Variants in ZNF446 observed in about 807,000 individuals in gnomAD.
ZNF446 encodes the protein zinc finger protein 446.
A neutral mutation model predicts 34.0 loss-of-function variants in ZNF446; 42 were observed. The ratio of observed to expected loss-of-function variants is 1.23; its 90% CI spans 0.96 to 1.60. The LOEUF (loss-of-function observed/expected upper bound fraction) is 1.60, where lower values mean the gene tolerates loss of function less well. ZNF446 is among the 40% of genes most tolerant of loss of function. The pLI, the probability that ZNF446 is intolerant of heterozygous loss-of-function variation, is 0.00. For missense variants in ZNF446, 650 were observed against 600.2 expected, an observed-to-expected ratio of 1.08 and a Z score of -0.87; for synonymous variants, 315 against 251.0, an observed-to-expected ratio of 1.25 and a Z score of -2.41.
rs1226910358 is a variant in ZNF446, at chr19:58,479,812, G to A, written c.712+85G>A. 4.0e-6 allele frequency: 6 copies of A among 1,489,096 alleles called. No homozygotes were observed. The Admixed American group carries it at 7.7e-5, about 19-fold the overall frequency. The allele number at this position is 1,489,096 out of a possible 1,614,324, so 92.2% of individuals were successfully genotyped here. ...AGGCCTAGCTGGGCAGGGCCTCTGT[G>A]CTACCAGCCCTACCCAGCTCTCCCA... On this transcript the variant is annotated intron_variant, in intron 5 of 6. Coordinates refer to ENST00000594369, the MANE Select transcript of ZNF446 (RefSeq NM_017908.4).
the ZNF446 span, among the ~76,000 whole-genome samples, chr19:58,487,430 CTG>C: frequency 1.3e-5 from 2 of 152,160 alleles, no homozygotes; most frequent in African/African-American, 4.8e-5. Flanking sequence ...TGAAAAGACA[CTG>C]TAAACATAAA....
At chr19:58,483,656 A>C (rs1216802735), downstream of ZNF446, 2 of 152,114 alleles carry the variant, frequency 1.3e-5, no homozygotes, top group African/African-American at 4.8e-5. Flanking sequence ...TCTGGAAAAA[A>C]AAAATACGGA....
downstream of ZNF446, among the ~76,000 whole-genome samples, chr19:58,484,914 C>T (rs2053161412): frequency 6.6e-6 from 1 of 151,466 alleles, no homozygotes. Context: ...AAAAATTAGC[C>T]AGGTGTGGTG....
At chr19:58,482,661 G>A (rs2122455601), downstream of ZNF446, among the ~76,000 whole-genome samples, 1 of 152,332 alleles carries the variant, frequency 6.6e-6, no homozygotes, top group South Asian at 2.1e-4. Context: ...TCTCCTCAGA[G>A]GCCCATCTTC....
In ZNF446 at chr19:58,477,405, G is replaced by A. The variant is rs2053097266; in HGVS notation, c.187G>A (p.Glu63Lys). ...QWLQPEAHSKEQMLEMLVLEQ... is the reference protein window; with the variant it reads ...QWLQPEAHSKKQMLEMLVLEQ... ...GCTGCAGCCTGAGGCACACTCCAAGGAGCAGATGCTGGAGATGCTGGTGCT... is the reference window on the plus strand; with the variant it reads ...GCTGCAGCCTGAGGCACACTCCAAGAAGCAGATGCTGGAGATGCTGGTGCT... The change falls in exon 2 of 7, where the codon GAG (glutamate) becomes AAG (lysine). Residue 63 changes from glutamate (E) to lysine (K), a missense_variant. By Grantham distance (56) the Glu-to-Lys change is moderately conservative (BLOSUM62 1). Coordinates refer to ENST00000594369, the MANE Select transcript of ZNF446 (RefSeq NM_017908.4). 1.2e-6 allele frequency: 2 copies of A among 1,613,474 alleles called. No individual in the cohort carries two copies. Among genetic ancestry groups the A allele is most frequent in the Non-Finnish European group, 1.7e-6 (2 of 1,180,020 alleles).
At chr19:58,489,223 C>T in the ZNF446 span, among the ~76,000 whole-genome samples, 1 of 152,196 alleles carries the variant, frequency 6.6e-6, no homozygotes, top group African/African-American at 2.4e-5. Context: ...AGTCACGCAG[C>T]TGGAGGCTAG....
chr19:58,476,719 A>G (rs116049434), intron 1 of ZNF446, among the ~76,000 whole-genome samples: 101 of 152,020 alleles, frequency 6.6e-4, no homozygotes, highest in African/African-American at 2.3e-3. Context: ...AGGAGGTCCC[A>G]CCCAGTCAAC....
chr19:58,480,861 C>A lies in ZNF446; in HGVS notation c.*135C>A. ...AAGGGGTCCCAAGCCAGTTCCCTGC[C>A]CCTGGTCTGGTCTCCCCCAAAAGAC... On this transcript the variant is annotated 3_prime_UTR_variant, in exon 7 of 7. Transcript: ENST00000594369. The surrounding 1 kb of genome is among the most constrained non-coding windows in gnomAD (Gnocchi z 7.2). 9.4e-7 allele frequency: 1 copy of A among 1,061,560 alleles called. No individual in the cohort carries two copies. 65.8% of individuals were successfully genotyped at this position (1,061,560 alleles called of 1,614,324 possible).
chr19:58,481,456 G>A (rs1050202891), downstream of ZNF446, among the ~76,000 whole-genome samples: 1 of 152,152 alleles, frequency 6.6e-6, no homozygotes, highest in Non-Finnish European at 1.5e-5. Flanking sequence ...CGGCTTGAGA[G>A]ACACAAAGGG....
chr19:58,479,784 A>G, intron 5 of ZNF446, 57 bp downstream of exon 5: 1 of 1,555,098 alleles, frequency 6.4e-7, no homozygotes, highest in Non-Finnish European at 8.8e-7. Flanking sequence ...CCCACCCTGC[A>G]GCAGGCCTAG....
At chr19:58,479,862 C>T in intron 5 of ZNF446, 68 bp from the exon 6 acceptor site, 1 of 1,401,276 alleles carries the variant, frequency 7.1e-7, no homozygotes, top group African/African-American at 1.4e-5. Flanking sequence ...ACCCTGTCAC[C>T]TACCAGAACC....
Position 58,479,943 on chromosome 19 carries a change from C to T in ZNF446, c.726C>T (p.His242=). 6.3e-7 allele frequency: 1 copy of T among 1,582,944 alleles called. No homozygotes were observed. The highest frequency in any genetic ancestry group is 1.3e-5 in the African/African-American group (1 of 74,538). ...GTVVSLGLPP[H]QPEAQAQSEL... is the part of the protein sequence containing the mutation. ...CCACCCGGGCAGGGTTACCGCCCCACCAGCCAGAGGCACAGGCCCAGTCAG... is the reference window on the plus strand; with the variant it reads ...CCACCCGGGCAGGGTTACCGCCCCATCAGCCAGAGGCACAGGCCCAGTCAG... Residue 242 remains histidine, a synonymous_variant, in exon 6 of 7, where the codon CAC becomes CAT. Transcript: ENST00000594369.
In ZNF446 at chr19:58,480,064, G is replaced by T. The variant is rs778580398; in HGVS notation, c.802+45G>T. ...CAGCCTGAATCACCCCTCCTGTATC[G>T]GTGGGACCTGAGCCACCCACTCATG... On this transcript the variant is annotated intron_variant, in intron 6 of 6. Transcript: ENST00000594369. The surrounding 1 kb of genome is among the most constrained non-coding windows in gnomAD (Gnocchi z 7.2). The T allele has an allele frequency of 6.4e-7, 1 of 1,562,114 alleles. No homozygotes were observed. Among genetic ancestry groups the T allele is most frequent in the South Asian group, 1.2e-5 (1 of 86,130 alleles).
chr19:58,478,422 G>A (rs1012801079), intron 4 of ZNF446, among the ~76,000 whole-genome samples: 1 of 152,152 alleles, frequency 6.6e-6, no homozygotes, highest in African/African-American at 2.4e-5. Context: ...CTAGCACTTT[G>A]GGAGGCTGAG....
At chr19:58,486,696 A>G in the ZNF446 span, among the ~76,000 whole-genome samples, 1 of 141,894 alleles carries the variant, frequency 7.0e-6, no homozygotes. Flanking sequence ...GGCGTGAGCC[A>G]CCGCACCCAG....
rs2053117196 is a variant in ZNF446, at chr19:58,479,433, G to C, written c.628-210G>C. ...CCTCTGAGCAGGATGGTGTAGTAGA[G>C]GGGGATGAGTGCTGGCAGCAGCACT... On this transcript the variant is annotated intron_variant, in intron 4 of 6. Transcript: ENST00000594369. 8.6e-6 allele frequency: 5 copies of C among 583,992 alleles called. No homozygotes were observed. In the South Asian group the frequency reaches 1.0e-4, roughly 12 times the overall value. The allele number at this position is 583,992 out of a possible 1,614,324, so 36.2% of individuals were successfully genotyped here.
rs940388576 is a variant in ZNF446, at chr19:58,479,723, C to T, written c.708C>T (p.Ser236=). The change falls in exon 5 of 7, where the codon TCC becomes TCT. Residue 236 remains serine, a synonymous_variant. Coordinates refer to ENST00000594369, the MANE Select transcript of ZNF446 (RefSeq NM_017908.4). ...TGGAGAAGTACGGCACAGTGGTCTC[C>T]CTGGGTGAGGACCAGCCAGCCCCAC... ...AMLEKYGTVV[S]LGLPPHQPEA... is the part of the protein sequence containing the mutation. The T allele has an allele frequency of 6.8e-6, 11 of 1,612,036 alleles. No individual in the cohort carries two copies. In the Admixed American group the frequency reaches 1.5e-4, roughly 22 times the overall value.
At chr19:58,479,541 G>C in intron 4 of ZNF446, 102 bp from the exon 5 acceptor site, 1 of 1,261,974 alleles carries the variant, frequency 7.9e-7, no homozygotes, top group Non-Finnish European at 1.1e-6. Flanking sequence ...CAGATGAGGC[G>C]TAGGTAACCT....
chr19:58,478,036 G>C, intron 3 of ZNF446, 51 bp from the exon 4 acceptor site: 1 of 1,538,652 alleles, frequency 6.5e-7, no homozygotes, highest in Non-Finnish European at 8.9e-7. Context: ...ATCTGCCATG[G>C]CTCATGTGGG....
Sources: gnomAD v4.1 joint callset for allele counts (sites outside exome capture counted in the v4.1 genomes callset) on GRCh38, gnomAD v4.1.1 for gene constraint, Gnocchi (gnomAD v3.1) non-coding constraint, MANE v1.5 for transcripts, NCBI Gene and HGNC (gene_info 2026-07-23, HGNC 2026-07-21) for gene names.